PCDHGB7: variants seen among roughly 807,000 people sequenced by gnomAD.
PCDHGB7 encodes the protein protocadherin gamma subfamily B, 7, also known as protocadherin gamma-B7.
A neutral mutation model predicts 61.4 loss-of-function variants in PCDHGB7; 37 were observed. That is an observed-to-expected ratio of 0.60 (90% CI 0.46 to 0.79). The LOEUF is 0.79. PCDHGB7 is among the 30% of genes least tolerant of loss of function. The pLI, the probability that PCDHGB7 is intolerant of heterozygous loss-of-function variation, is 0.00. For missense variants in PCDHGB7, 1,166 were observed against 1,202.5 expected (o/e 0.97, Z 0.45); for synonymous variants, 464 against 503.5 (o/e 0.92, Z 1.05).
chr5:141,426,802 C>G (rs2096961440), intron 1 of PCDHGB7: 1 of 456,696 alleles, frequency 2.2e-6, no homozygotes, highest in South Asian at 1.5e-5. Flanking sequence ...CAGCTCAGTT[C>G]TAATGAACAT....
intron 1 of PCDHGB7, chr5:141,421,043 C>T (rs1201118615): frequency 5.5e-6 from 3 of 548,238 alleles, no homozygotes; most frequent in African/African-American, 3.9e-5. Flanking sequence ...CCTCCCTCCC[C>T]CGCCTCTACC....
chr5:141,428,154 T>C, intron 1 of PCDHGB7: 2 of 1,578,924 alleles, frequency 1.3e-6, no homozygotes, highest in Non-Finnish European at 1.7e-6. Flanking sequence ...CACGGGAACC[T>C]GCTGGTTGCT....
rs186292704 is a variant in PCDHGB7 at position 141,490,783 on chromosome 5, C to T, written c.2416-4024C>T. ...TGTGTATGTCAACCCAGAGGATGGA[C>T]GGATCTTTGCCCAGCGTACCTTTGA... On this transcript the variant is annotated intron_variant, in intron 1 of 3. Transcript: ENST00000398594. The surrounding 1 kb of genome is among the most constrained non-coding windows in gnomAD (Gnocchi z 5.4). The T allele has an allele frequency of 8.1e-6, 13 of 1,614,024 alleles. 1 individual carries two copies. Among genetic ancestry groups the T allele is most frequent in the Middle Eastern group, 3.3e-4 (2 of 6,062 alleles).
Position 141,490,413 on chromosome 5 carries a change from G to A in PCDHGB7, c.2416-4394G>A, listed in dbSNP as rs2233606. On this transcript the variant is annotated intron_variant, in intron 1 of 3. Transcript: ENST00000398594. The surrounding 1 kb of genome is among the most constrained non-coding windows in gnomAD (Gnocchi z 5.4). ...GTGAAGTGAGCCTTGATATCTCTCC[G>A]GACCTGCCATTTCAGATTAAGCCTT... 2.3e-3 allele frequency: 3,787 copies of A among 1,614,128 alleles called. 38 individuals are homozygous for A. In the African/African-American group the frequency reaches 0.027, roughly 12 times the overall value.
chr5:141,478,372 G>A (rs778468803), intron 1 of PCDHGB7: 2 of 1,613,704 alleles, frequency 1.2e-6, no homozygotes, highest in Non-Finnish European at 8.5e-7. Flanking sequence ...GAGGCCTGAT[G>A]TCGCCGCACC....
At chr5:141,426,538 C>T (rs1038881219) in intron 1 of PCDHGB7, 2 of 346,308 alleles carry the variant, frequency 5.8e-6, no homozygotes, top group Non-Finnish European at 1.2e-5. Context: ...TGGGAACATA[C>T]TTGTGAGTGA....
At chr5:141,434,240 T>A (rs979144259) in intron 1 of PCDHGB7, among the ~76,000 whole-genome samples, 1 of 152,336 alleles carries the variant, frequency 6.6e-6, no homozygotes, top group East Asian at 1.9e-4. Flanking sequence ...CTGGACTAGA[T>A]GACTTGGGCA....
intron 3 of PCDHGB7, among the ~76,000 whole-genome samples, chr5:141,510,329 A>T (rs1433056614): frequency 2.7e-5 from 4 of 150,230 alleles, no homozygotes; most frequent in Admixed American, 2.7e-4. Flanking sequence ...AGCACTCTTC[A>T]CCCCCACCCC....
At chr5:141,497,703 C>T (rs995815060) in intron 2 of PCDHGB7, among the ~76,000 whole-genome samples, 16 of 152,134 alleles carry the variant, frequency 1.1e-4, no homozygotes, top group African/African-American at 3.9e-4. Context: ...CCACACCCAG[C>T]TCATTTTTGT....
At chr5:141,442,837 A>C (rs2098346617) in intron 1 of PCDHGB7, among the ~76,000 whole-genome samples, 1 of 152,202 alleles carries the variant, frequency 6.6e-6, no homozygotes, top group South Asian at 2.1e-4. Flanking sequence ...GGGAGGGACA[A>C]ATCTTGGCCA....
chr5:141,448,179 G>C (rs763996329), intron 1 of PCDHGB7, among the ~76,000 whole-genome samples: 1 of 151,982 alleles, frequency 6.6e-6, no homozygotes, highest in Non-Finnish European at 1.5e-5. Context: ...ATTCATCCCT[G>C]GTTATGTACA....
rs111842066 is a variant in PCDHGB7, at chr5:141,486,269, G to A, written c.2416-8538G>A. 6.2e-7 allele frequency: 1 copy of A among 1,613,996 alleles called. No homozygotes were observed. Reference sequence around the variant, plus strand: ...AACCCTCCCCGAGAGTGCAGAACCTGGCACTGTGGTGGCACTTATCAGTGT... The same window carrying A: ...AACCCTCCCCGAGAGTGCAGAACCTAGCACTGTGGTGGCACTTATCAGTGT... On this transcript the variant is annotated intron_variant, in intron 1 of 3. Transcript: ENST00000398594. This position sits in a 1 kb window ranked among gnomAD's most constrained non-coding sequence, Gnocchi z 5.0.
chr5:141,472,335 A>T (rs1033984936), intron 1 of PCDHGB7, among the ~76,000 whole-genome samples: 38 of 151,784 alleles, frequency 2.5e-4, no homozygotes, highest in Non-Finnish European at 2.5e-4. Context: ...AGGTTGGGAG[A>T]TCGAGACCAT....
At position 141,449,665 on chromosome 5, in the gene PCDHGB7, G is replaced by T. The variant is rs144213743; in HGVS notation, c.2415+29391G>T. 9.3e-5 allele frequency among the ~76,000 whole-genome samples: 14 copies of T among 150,156 alleles called. No individual in the cohort carries two copies. In the East Asian group the frequency reaches 2.7e-3, roughly 29 times the overall value. Reference sequence around the variant, plus strand: ...TATACATATTTACATACACACCCAAGTGTGTATGTATATATGTTTGTGTGT... The same window carrying T: ...TATACATATTTACATACACACCCAATTGTGTATGTATATATGTTTGTGTGT... On this transcript the variant is annotated intron_variant, in intron 1 of 3. Coordinates refer to ENST00000398594, the MANE Select transcript of PCDHGB7 (RefSeq NM_018927.4).
intron 1 of PCDHGB7, among the ~76,000 whole-genome samples, chr5:141,433,399 CTA>C (rs1491097109): frequency 1.1e-4 from 17 of 150,894 alleles, no homozygotes; most frequent in African/African-American, 4.1e-4. Context: ...ATCTATCTAT[CTA>C]TCTATTACTT....
At chr5:141,455,449 G>A (rs1421095381) in intron 1 of PCDHGB7, among the ~76,000 whole-genome samples, 1 of 152,126 alleles carries the variant, frequency 6.6e-6, no homozygotes, top group Non-Finnish European at 1.5e-5. Flanking sequence ...CATCTACCGC[G>A]GATACCAGCC....
Position 141,489,767 on chromosome 5 carries a change from G to T in PCDHGB7, c.2416-5040G>T, listed in dbSNP as rs2099691977. On this transcript the variant is annotated intron_variant, in intron 1 of 3. Transcript: ENST00000398594. This position sits in a 1 kb window ranked among gnomAD's most constrained non-coding sequence, Gnocchi z 4.5. ...AGCTTTTACACTCTAAGCCCCAACA[G>T]CCACTTCTCTCTGAATGTGAAGACC... The T allele has an allele frequency of 6.2e-7, 1 of 1,614,028 alleles. No homozygotes were observed. Among genetic ancestry groups the T allele is most frequent in the African/African-American group, 1.3e-5 (1 of 74,938 alleles).
intron 1 of PCDHGB7, among the ~76,000 whole-genome samples, chr5:141,446,394 A>C (rs796472404): frequency 1.1e-4 from 17 of 152,344 alleles, no homozygotes; most frequent in African/African-American, 3.4e-4. Context: ...ATTTAAGAGA[A>C]ATCGAGTTGA....
At chr5:141,437,197 G>A (rs535640562) in intron 1 of PCDHGB7, among the ~76,000 whole-genome samples, 69 of 152,330 alleles carry the variant, frequency 4.5e-4, no homozygotes, top group Non-Finnish European at 7.8e-4. Flanking sequence ...GGGTTTGGAT[G>A]TGTTTACATT....
Sources: allele counts gnomAD v4.1 joint callset (sites outside exome capture counted in the v4.1 genomes callset), GRCh38; gene constraint gnomAD v4.1.1; non-coding constraint Gnocchi (gnomAD v3.1); transcripts MANE v1.5; gene names NCBI Gene and HGNC (gene_info 2026-07-23, HGNC 2026-07-21).